The following ANKRD31 variants were observed in gnomAD, a reference collection of about 807,000 sequenced individuals.
ANKRD31 encodes the protein ankyrin repeat domain 31, also known as ankyrin repeat domain-containing protein 31.
A neutral mutation model predicts 186.0 loss-of-function variants in ANKRD31; 147 were observed. The ratio of observed to expected loss-of-function variants is 0.79; its 90% CI spans 0.69 to 0.91. ANKRD31 has a LOEUF of 0.91. ANKRD31 is among the 40% of genes least tolerant of loss of function. The pLI is 0.00. For missense variants in ANKRD31, 1,986 were observed against 2,148.8 expected, an observed-to-expected ratio of 0.92 and a Z score of 1.50; for synonymous variants, 673 against 736.4, an observed-to-expected ratio of 0.91 and a Z score of 1.39.
chr5:75,197,015 C>T (rs538248949), intron 6 of ANKRD31, among the ~76,000 whole-genome samples: 1 of 152,158 alleles, frequency 6.6e-6, no homozygotes, highest in East Asian at 1.9e-4. Context: ...ATTCTCCTGC[C>T]TCAGCCTCTT....
intron 11 of ANKRD31, among the ~76,000 whole-genome samples, chr5:75,168,211 G>C (rs1753058967): frequency 6.6e-6 from 1 of 152,140 alleles, no homozygotes; most frequent in African/African-American, 2.4e-5. Context: ...CTCCGCCTCT[G>C]CCTGTGTTAG....
chr5:75,132,227 A>C (rs925741171), intron 17 of ANKRD31, among the ~76,000 whole-genome samples: 2 of 152,246 alleles, frequency 1.3e-5, no homozygotes, highest in Non-Finnish European at 2.9e-5. Context: ...TCTGAGCTAA[A>C]GGAGGATGCT....
Position 75,138,955 on chromosome 5 carries a change from C to A in ANKRD31, c.3624G>T (p.Arg1208Ser), listed in dbSNP as rs887807963. ...LGMKAGRINKRNARGESQLHL... is the reference protein window; with the variant it reads ...LGMKAGRINKSNARGESQLHL... ...GAAGCTGGCTTTCCCCTCTGGCATT[C>A]CTCTTGTTGATCCTACCTGCTTTCA... Residue 1208 changes from arginine to serine, a missense_variant, in exon 16 of 26, where the codon AGG (arginine) becomes AGT (serine). By Grantham distance (110) the Arg-to-Ser change is moderately radical. Coordinates refer to ENST00000506364, the MANE Select transcript of ANKRD31 (RefSeq NM_001372053.1). 1 of 1,536,686 alleles carries A rather than the reference C, an allele frequency of 6.5e-7. No individual in the cohort carries two copies. The highest frequency in any genetic ancestry group is 1.4e-5 in the African/African-American group (1 of 73,012).
At chr5:75,218,018 C>T (rs1025418853) in intron 3 of ANKRD31, among the ~76,000 whole-genome samples, 2 of 152,008 alleles carry the variant, frequency 1.3e-5, no homozygotes, top group African/African-American at 4.8e-5. Flanking sequence ...AACAACTAAA[C>T]ATACAACTAG....
chr5:75,076,615 T>C (rs1415621001), intron 25 of ANKRD31, among the ~76,000 whole-genome samples: 1 of 152,228 alleles, frequency 6.6e-6, no homozygotes, highest in East Asian at 1.9e-4. Flanking sequence ...CATTGGTAAC[T>C]GGTGATTAAC....
At position 75,140,289 on chromosome 5, in the gene ANKRD31, GGAAGGAAGGAAGGAA is replaced by G. The variant is rs1750943530; in HGVS notation, c.3596-1321_3596-1307del. Among the ~76,000 whole-genome samples, 34 of 40,382 alleles carry G rather than the reference GGAAGGAAGGAAGGAA, an allele frequency of 8.4e-4. No homozygotes were observed. In the African/African-American group the frequency reaches 0.024, roughly 28 times the overall value. 26.5% of individuals were successfully genotyped at this position (40,382 alleles called of 152,430 possible). A position where few individuals can be genotyped will look rare whatever the true frequency, so the allele number is the denominator to read the frequency against. ...AAGGAAAGAGAGAGAGAGAAAGAAAGGAAGGAAGGAAGGAAGGAAGGAAGGAAGGAAGGAAGGAAG... is the reference window on the plus strand; with the variant it reads ...AAGGAAAGAGAGAGAGAGAAAGAAAGGGAAGGAAGGAAGGAAGGAAGGAAG... On this transcript the variant is annotated intron_variant, in intron 15 of 25. Transcript: ENST00000506364.
At chr5:75,183,319 A>C (rs1351746313) in intron 10 of ANKRD31, among the ~76,000 whole-genome samples, 1 of 152,212 alleles carries the variant, frequency 6.6e-6, no homozygotes, top group Non-Finnish European at 1.5e-5. Flanking sequence ...CATATGAAAC[A>C]GGGAAAAGTT....
chr5:75,092,843 A>T (rs142223817), intron 22 of ANKRD31, among the ~76,000 whole-genome samples: 1 of 152,190 alleles, frequency 6.6e-6, no homozygotes, highest in Admixed American at 6.5e-5. Context: ...AGAAAACCAT[A>T]ATTAAAGACA....
chr5:75,109,782 T>G (rs1309976192), intron 20 of ANKRD31, among the ~76,000 whole-genome samples: 1 of 151,884 alleles, frequency 6.6e-6, no homozygotes, highest in Non-Finnish European at 1.5e-5. Flanking sequence ...ACCCTGCCTA[T>G]GAGGGCTTCC....
chr5:75,229,883 AAAAAC>A (rs1426995533), intron 2 of ANKRD31, among the ~76,000 whole-genome samples: 16 of 84,516 alleles, frequency 1.9e-4, no homozygotes, highest in African/African-American at 1.1e-3. Flanking sequence ...AAAAAAAAAA[AAAAAC>A]AAAAAAAACA....
At chr5:75,071,199 T>C (rs1421070065) in intron 25 of ANKRD31, among the ~76,000 whole-genome samples, 1 of 151,698 alleles carries the variant, frequency 6.6e-6, no homozygotes, top group Non-Finnish European at 1.5e-5. Flanking sequence ...TCACTGCTTA[T>C]AGTTCTTATT....
intron 7 of ANKRD31, 137 bp from the exon 8 acceptor site, chr5:75,193,728 A>G (rs751901804): frequency 1.6e-5 from 11 of 701,758 alleles, no homozygotes; most frequent in Non-Finnish European, 2.5e-5. Context: ...ATTCATAGAC[A>G]TATGTGGACA....
At chr5:75,159,929 T>C (rs1752459426) in intron 11 of ANKRD31, among the ~76,000 whole-genome samples, 1 of 152,080 alleles carries the variant, frequency 6.6e-6, no homozygotes, top group Non-Finnish European at 1.5e-5. Context: ...AAATGTAATA[T>C]ACTTGATAAT....
intron 17 of ANKRD31, among the ~76,000 whole-genome samples, chr5:75,126,533 G>A (rs758228671): frequency 3.9e-5 from 6 of 152,118 alleles, no homozygotes; most frequent in Non-Finnish European, 7.3e-5. Flanking sequence ...TATGAATAAA[G>A]CTGCTATCCA....
chr5:75,127,030 A>T (rs1395872052), intron 17 of ANKRD31, among the ~76,000 whole-genome samples: 1 of 151,926 alleles, frequency 6.6e-6, no homozygotes, highest in African/African-American at 2.4e-5. Context: ...TAAAACTACA[A>T]AAAAATTAGT....
In ANKRD31 at chr5:75,072,119, T is replaced by C. The variant is rs146992908; in HGVS notation, c.5648-3455A>G. Among the ~76,000 whole-genome samples the C allele has an allele frequency of 4.0e-4, 61 of 152,374 alleles. No homozygotes were observed. The East Asian group carries it at 0.011, about 28-fold the overall frequency. Reference sequence around the variant, plus strand: ...TAAATTGACATTAACTATTATTTTATAGCTTCCTAAAAAGGACTTTTGGCA... The same window carrying C: ...TAAATTGACATTAACTATTATTTTACAGCTTCCTAAAAAGGACTTTTGGCA... On this transcript the variant is annotated intron_variant, in intron 25 of 25. Coordinates refer to ENST00000506364, the MANE Select transcript of ANKRD31 (RefSeq NM_001372053.1).
intron 10 of ANKRD31, among the ~76,000 whole-genome samples, chr5:75,175,089 T>C (rs972052325): frequency 6.6e-6 from 1 of 152,316 alleles, no homozygotes; most frequent in African/African-American, 2.4e-5. Flanking sequence ...GGGACATGAA[T>C]GAAGCTGGAA....
chr5:75,205,692 T>C (rs1265071861), intron 5 of ANKRD31, among the ~76,000 whole-genome samples: 1 of 152,192 alleles, frequency 6.6e-6, no homozygotes, highest in African/African-American at 2.4e-5. Flanking sequence ...CAGAGCTTTT[T>C]AAATTTATCT....
Position 75,195,877 on chromosome 5 carries a change from GTCACTCAATGGGT to G in ANKRD31, c.758_770del (p.Asn253ThrfsTer10). On this transcript the variant is annotated frameshift_variant, in exon 7 of 26. Transcript: ENST00000506364. LOFTEE classifies it high-confidence loss of function. ...AAGGTATTGATATGGAACTAAGAGA[GTCACTCAATGGGT>G]TCATCAATTCTTTACGATCAAAATC... The G allele has an allele frequency of 1.3e-6, 2 of 1,506,562 alleles. No homozygotes were observed. The highest frequency in any genetic ancestry group is 1.8e-6 in the Non-Finnish European group (2 of 1,141,658). 93.3% of individuals were successfully genotyped at this position (1,506,562 alleles called of 1,614,324 possible).
Sources: allele counts gnomAD v4.1 joint callset (sites outside exome capture counted in the v4.1 genomes callset), GRCh38; gene constraint gnomAD v4.1.1; transcripts MANE v1.5; gene names NCBI Gene and HGNC (gene_info 2026-07-23, HGNC 2026-07-21).